GNPTG: variants seen among roughly 807,000 people sequenced by gnomAD.
GNPTG encodes the protein N-acetylglucosamine-1-phosphate transferase subunit gamma.
Under a neutral mutation model 43.8 loss-of-function variants are expected in GNPTG, and 46 were observed. That is an observed-to-expected ratio of 1.05 (90% confidence interval 0.83 to 1.34). The LOEUF (loss-of-function observed/expected upper bound fraction) is 1.34. Ranked by LOEUF, GNPTG falls within the 40% of genes most tolerant of loss-of-function variation. The pLI, the probability that GNPTG is intolerant of heterozygous loss-of-function variation, is 0.00. For synonymous variants in GNPTG, 250 were observed against 172.8 expected (o/e 1.45, Z -3.50); for missense variants, 549 against 411.3 (o/e 1.33, Z -2.90).
At chr16:1,353,089 C>T (rs1197927363) in intron 3 of GNPTG, among the ~76,000 whole-genome samples, 5 of 151,748 alleles carry the variant, frequency 3.3e-5, no homozygotes, top group Admixed American at 2.0e-4. Flanking sequence ...CATGCCTCAG[C>T]CTCCCGAGTA....
Position 1,363,204 on chromosome 16 carries a change from C to CA in GNPTG, c.*116dup, listed in dbSNP as rs1328878665. The CA allele has an allele frequency of 1.3e-5, 11 of 876,284 alleles. No individual in the cohort carries two copies. The highest frequency in any genetic ancestry group is 2.8e-5 in the South Asian group (2 of 70,500). 54.3% of individuals were successfully genotyped at this position (876,284 alleles called of 1,614,324 possible). A position where few individuals can be genotyped will look rare whatever the true frequency, so the allele number is the denominator to read the frequency against. The stretch of plus-strand genomic sequence containing the variant: ...CTTGTGCTCAGAGAAGCAGACAAAA[C>CA]AAAGATTCAAGGTTTTAATTAATTC... On this transcript the variant is annotated 3_prime_UTR_variant, in exon 11 of 11. Coordinates refer to ENST00000204679, the MANE Select transcript of GNPTG (RefSeq NM_032520.5).
Position 1,363,046 on chromosome 16 carries a change from T to G in GNPTG, c.873T>G (p.Ser291=), listed in dbSNP as rs147955846. The change falls in exon 11 of 11, where the codon TCT becomes TCG. Residue 291 remains serine, a synonymous_variant. Coordinates refer to ENST00000204679, the MANE Select transcript of GNPTG (RefSeq NM_032520.5). ...HLGHETPRAK[S]PEQLRGDPGL... ...GCCACGAGACGCCCAGAGCCAAGTCTCCAGAGCAGCTGCGGGGTGACCCAG... is the reference window on the plus strand; with the variant it reads ...GCCACGAGACGCCCAGAGCCAAGTCGCCAGAGCAGCTGCGGGGTGACCCAG... 1.2e-6 allele frequency: 2 copies of G among 1,613,832 alleles called. No individual in the cohort carries two copies. Among genetic ancestry groups the G allele is most frequent in the African/African-American group, 2.7e-5 (2 of 74,858 alleles).
intron 3 of GNPTG, 88 bp from the exon 4 acceptor site, chr16:1,361,655 A>C (rs2034881251): frequency 6.9e-7 from 1 of 1,442,502 alleles, no homozygotes; most frequent in African/African-American, 1.4e-5. Context: ...AAAAAAAAGA[A>C]AACTGGTCCT....
At chr16:1,354,744 A>G (rs1171909958) in intron 3 of GNPTG, among the ~76,000 whole-genome samples, 2 of 152,072 alleles carry the variant, frequency 1.3e-5, no homozygotes, top group Non-Finnish European at 1.5e-5. Flanking sequence ...TTCTCTTCCC[A>G]CCTTTGGATG....
chr16:1,355,887 G>C (rs1467228707), intron 3 of GNPTG, among the ~76,000 whole-genome samples: 1 of 152,052 alleles, frequency 6.6e-6, no homozygotes, highest in Non-Finnish European at 1.5e-5. Context: ...CTGGGGCCGG[G>C]CTGGGTCTGC....
intron 5 of GNPTG, 29 bp downstream of exon 5, chr16:1,361,984 A>C: frequency 6.2e-7 from 1 of 1,613,280 alleles, no homozygotes; most frequent in South Asian, 1.1e-5. Context: ...GGGATCCCAA[A>C]GCAGCAGCGC....
Position 1,363,097 on chromosome 16 carries a change from T to G in GNPTG, c.*6T>G, listed in dbSNP as rs778955815. 6.2e-7 allele frequency: 1 copy of G among 1,613,320 alleles called. No individual in the cohort carries two copies. The highest frequency in any genetic ancestry group is 2.2e-5 in the East Asian group (1 of 44,866). On this transcript the variant is annotated 3_prime_UTR_variant, in exon 11 of 11. Transcript: ENST00000204679. The stretch of plus-strand genomic sequence containing the variant: ...GACTGCGTGGGAGTTTGTGACCTTG[T>G]GGTGGGAGAGCAGAGGTGGACGCGG...
rs1596612658 is a variant in GNPTG, at chr16:1,361,753, T to A, written c.189T>A (p.His63Gln). 2 of 1,614,062 alleles carry A rather than the reference T, an allele frequency of 1.2e-6. No individual in the cohort carries two copies. Among genetic ancestry groups the A allele is most frequent in the Non-Finnish European group, 1.7e-6 (2 of 1,180,016 alleles). ...RDPSPVSGPVHLFRLSGKCFS... is the reference protein window; with the variant it reads ...RDPSPVSGPVQLFRLSGKCFS... Reference sequence around the variant, plus strand: ...TGAGGTCTCTTCCAGGACCCGTGCATCTCTTCCGACTCTCGGGCAAGTGCT... The same window carrying A: ...TGAGGTCTCTTCCAGGACCCGTGCAACTCTTCCGACTCTCGGGCAAGTGCT... The change falls in exon 4 of 11, where the codon CAT becomes CAA. Residue 63 changes from histidine (H) to glutamine (Q), a missense_variant. Coordinates refer to ENST00000204679, the MANE Select transcript of GNPTG (RefSeq NM_032520.5).
chr16:1,363,761 T>C lies in GNPTG; in HGVS notation c.*670T>C. ...ACAGCCCCAGGATCTTGCCCCCATT[T>C]CCAACCCTGGCAGCGCTGCCAGCCA... On this transcript the variant is annotated 3_prime_UTR_variant, in exon 11 of 11. Coordinates refer to ENST00000204679, the MANE Select transcript of GNPTG (RefSeq NM_032520.5). The C allele has an allele frequency of 6.3e-6, 1 of 159,136 alleles. No homozygotes were observed. The highest frequency in any genetic ancestry group is 1.4e-5 in the Non-Finnish European group (1 of 72,346). 9.9% of individuals were successfully genotyped at this position (159,136 alleles called of 1,614,324 possible).
In GNPTG at chr16:1,363,146, G is replaced by C; in HGVS notation, c.*55G>C. 1 of 1,524,116 alleles carries C rather than the reference G, an allele frequency of 6.6e-7. No individual in the cohort carries two copies. Among genetic ancestry groups the C allele is most frequent in the South Asian group, 1.1e-5 (1 of 87,584 alleles). 94.4% of individuals were successfully genotyped at this position (1,524,116 alleles called of 1,614,324 possible). A position where few individuals can be genotyped will look rare whatever the true frequency, so the allele number is the denominator to read the frequency against. ...GGCCGAGAGCCCTACAGAGAAGCTG[G>C]CTGGTAGGACCCGCAGGGACCAGCT... On this transcript the variant is annotated 3_prime_UTR_variant, in exon 11 of 11. Transcript: ENST00000204679.
chr16:1,354,254 T>C (rs559620789), intron 3 of GNPTG, among the ~76,000 whole-genome samples: 3 of 152,064 alleles, frequency 2.0e-5, no homozygotes, highest in African/African-American at 7.2e-5. Context: ...CCTTGGCTAA[T>C]GGGACCACGT....
chr16:1,354,731 C>T (rs997526342), intron 3 of GNPTG, among the ~76,000 whole-genome samples: 3 of 152,034 alleles, frequency 2.0e-5, no homozygotes, highest in Non-Finnish European at 4.4e-5. Context: ...TAATTTGGAA[C>T]AGTTCTCTTC....
intron 3 of GNPTG, among the ~76,000 whole-genome samples, chr16:1,353,150 T>G (rs985852860): frequency 6.6e-6 from 1 of 152,056 alleles, no homozygotes; most frequent in Middle Eastern, 3.2e-3. Context: ...TTTTTGTATT[T>G]TTAGTAGAGA....
chr16:1,359,743 C>T (rs142601738), intron 3 of GNPTG, among the ~76,000 whole-genome samples: 4,680 of 152,222 alleles, frequency 0.031, 105 homozygotes, highest in Middle Eastern at 0.068. Context: ...TCTGCAAAAA[C>T]TGTCATTGGG....
At chr16:1,353,409 G>C (rs1212135254) in intron 3 of GNPTG, among the ~76,000 whole-genome samples, 1 of 152,204 alleles carries the variant, frequency 6.6e-6, no homozygotes, top group Non-Finnish European at 1.5e-5. Flanking sequence ...AACAGGCACT[G>C]AGCCTGTAGA....
At position 1,362,697 on chromosome 16, in the gene GNPTG, A is replaced by G. The variant is rs746160240; in HGVS notation, c.696A>G (p.Gly232=). Residue 232 remains glycine (G), a synonymous_variant, in exon 9 of 11, where the codon GGA becomes GGG. Transcript: ENST00000204679. ...AAAATGAACCCACCCAGCTGGAGGG[A>G]GGTCCTGACAGCTTGGGGTTTGAGA... The part of the protein sequence containing the change: ...PEENEPTQLE[G]GPDSLGFETL... 14 of 1,613,986 alleles carry G rather than the reference A, an allele frequency of 8.7e-6. No homozygotes were observed. The African/African-American group carries it at 1.9e-4, about 22-fold the overall frequency.
At chr16:1,356,338 G>C (rs2034775275) in intron 3 of GNPTG, among the ~76,000 whole-genome samples, 3 of 152,088 alleles carry the variant, frequency 2.0e-5, no homozygotes. Context: ...AGCAGGAGCA[G>C]AGGAGAAGCC....
chr16:1,362,192 C>T lies in GNPTG; in HGVS notation c.412-14C>T, dbSNP rs528538033. On this transcript the variant is annotated splice_polypyrimidine_tract_variant and intron_variant, in intron 6 of 10. Transcript: ENST00000204679. ...CCAGTCTCCCCAACCCACCTACCCACGTTCCCTCCCCAGGTGGAGCTGGCG... is the reference window on the plus strand; with the variant it reads ...CCAGTCTCCCCAACCCACCTACCCATGTTCCCTCCCCAGGTGGAGCTGGCG... 3.3e-5 allele frequency: 53 copies of T among 1,613,464 alleles called. No individual in the cohort carries two copies. Among genetic ancestry groups the T allele is most frequent in the South Asian group, 1.9e-4 (17 of 91,090 alleles).
chr16:1,357,489 A>G (rs1030255812), intron 3 of GNPTG, among the ~76,000 whole-genome samples: 6 of 151,712 alleles, frequency 4.0e-5, no homozygotes, highest in African/African-American at 1.5e-4. Flanking sequence ...CGACTTTATT[A>G]TTATTATTAT....
Sources: gnomAD v4.1 joint callset for allele counts (sites outside exome capture counted in the v4.1 genomes callset) on GRCh38, gnomAD v4.1.1 for gene constraint, MANE v1.5 for transcripts, NCBI Gene and HGNC (gene_info 2026-07-23, HGNC 2026-07-21) for gene names.